ARPC5: variants seen among roughly 807,000 people sequenced by gnomAD.
The protein encoded by ARPC5 is actin-related protein 2/3 complex subunit 5.
In ARPC5, 5 loss-of-function variants were observed where a neutral mutation model predicts 15.4. That is an observed-to-expected ratio of 0.32 (90% CI 0.17 to 0.68). The LOEUF (loss-of-function observed/expected upper bound fraction) is 0.68, where lower values mean the gene tolerates loss of function less well. ARPC5 is among the 30% of genes least tolerant of loss of function. ARPC5 has a pLI of 0.71. For missense variants in ARPC5, 138 were observed against 192.8 expected (o/e 0.72, Z 1.68); for synonymous variants, 85 against 72.2 (o/e 1.18, Z -0.90).
Position 183,623,569 on chromosome 1 carries a change from T to C in ARPC5, c.*3963A>G. 6.6e-7 allele frequency: 1 copy of C among 1,522,988 alleles called. No individual in the cohort carries two copies. The highest frequency in any genetic ancestry group is 8.9e-7 in the Non-Finnish European group (1 of 1,123,400). 94.3% of individuals were successfully genotyped at this position (1,522,988 alleles called of 1,614,324 possible). ...TGGGGCAGAGGTCCCGCGGCAGGAA[T>C]ATGGACAGAAGCAGCCTTGTTTAAG... is the stretch of plus-strand genomic sequence containing the variant. On this transcript the variant is annotated 3_prime_UTR_variant, in exon 4 of 4. Transcript: ENST00000359856.
At position 183,621,307 on chromosome 1, in the gene ARPC5, T is replaced by C. The variant is rs1648928743; in HGVS notation, c.*6225A>G. ...ATTGATCTACAAATAGGCTTGAACA[T>C]ATGTAAAATGACTTGTGTATAATGC... On this transcript the variant is annotated 3_prime_UTR_variant, in exon 4 of 4. Coordinates refer to ENST00000359856, the MANE Select transcript of ARPC5 (RefSeq NM_005717.4). The C allele has an allele frequency of 1.3e-5, 2 of 152,208 alleles. No homozygotes were observed. Among genetic ancestry groups the C allele is most frequent in the South Asian group, 4.1e-4 (2 of 4,832 alleles). The allele number at this position is 152,208 out of a possible 1,614,324, so 9.4% of individuals were successfully genotyped here.
rs189428029 is a variant in ARPC5, at chr1:183,627,458, G to A, written c.*74C>T. On this transcript the variant is annotated 3_prime_UTR_variant, in exon 4 of 4. Coordinates refer to ENST00000359856, the MANE Select transcript of ARPC5 (RefSeq NM_005717.4). ...AAACAGATGCTACCCACAGGGCAGC[G>A]GTGGCATTTGGTTGTTTTGGTCTTT... 1.2e-4 allele frequency: 146 copies of A among 1,250,026 alleles called. No individual in the cohort carries two copies. In the African/African-American group the frequency reaches 1.3e-3, roughly 11 times the overall value. 77.4% of individuals were successfully genotyped at this position (1,250,026 alleles called of 1,614,324 possible).
chr1:183,621,874 C>T lies in ARPC5; in HGVS notation c.*5658G>A, dbSNP rs189080046. 1.1e-4 allele frequency: 17 copies of T among 152,270 alleles called. No individual in the cohort carries two copies. Among genetic ancestry groups the T allele is most frequent in the African/African-American group, 4.1e-4 (17 of 41,536 alleles). 9.4% of individuals were successfully genotyped at this position (152,270 alleles called of 1,614,324 possible). ...GTTTTATCAGCAAGGTCTTTATGAC[C>T]GGTATCTTGTGTTGACCTCCTATCT... On this transcript the variant is annotated 3_prime_UTR_variant, in exon 4 of 4. Transcript: ENST00000359856.
intron 3 of ARPC5, among the ~76,000 whole-genome samples, chr1:183,628,097 C>T (rs1649160672): frequency 7.0e-6 from 1 of 141,936 alleles, no homozygotes; most frequent in South Asian, 2.3e-4. Context: ...GGTGTGAACC[C>T]AGGAGGCGGA....
In ARPC5 at chr1:183,623,720, G is replaced by C; in HGVS notation, c.*3812C>G. On this transcript the variant is annotated 3_prime_UTR_variant, in exon 4 of 4. Transcript: ENST00000359856. ...GTTGTAAATCTAAAGGAAAAATTGTGTATCTAAAAATTAATCAATCTGGCT... is the reference window on the plus strand; with the variant it reads ...GTTGTAAATCTAAAGGAAAAATTGTCTATCTAAAAATTAATCAATCTGGCT... The C allele has an allele frequency of 1.8e-6, 1 of 562,716 alleles. No homozygotes were observed. Among genetic ancestry groups the C allele is most frequent in the East Asian group, 3.0e-5 (1 of 33,492 alleles). The allele number at this position is 562,716 out of a possible 1,614,324, so 34.9% of individuals were successfully genotyped here.
In ARPC5 at chr1:183,626,806, A is replaced by G. The variant is rs965808456; in HGVS notation, c.*726T>C. On this transcript the variant is annotated 3_prime_UTR_variant, in exon 4 of 4. Coordinates refer to ENST00000359856, the MANE Select transcript of ARPC5 (RefSeq NM_005717.4). ...CCAAACAGAGCCATATTAGTGGAAC[A>G]AAAGTTTGATGTTCATGCCCAACAA... The G allele has an allele frequency of 2.6e-5, 4 of 152,356 alleles. No individual in the cohort carries two copies. Among genetic ancestry groups the G allele is most frequent in the African/African-American group, 9.7e-5 (4 of 41,450 alleles). 9.4% of individuals were successfully genotyped at this position (152,356 alleles called of 1,614,324 possible).
At position 183,622,497 on chromosome 1, in the gene ARPC5, A is replaced by G. The variant is rs954093813; in HGVS notation, c.*5035T>C. On this transcript the variant is annotated 3_prime_UTR_variant, in exon 4 of 4. Coordinates refer to ENST00000359856, the MANE Select transcript of ARPC5 (RefSeq NM_005717.4). ...GTTATTCATTACCCTAAGGGTTGACAGAATTAGAAAAATCTACGTATAAAG... is the reference window on the plus strand; with the variant it reads ...GTTATTCATTACCCTAAGGGTTGACGGAATTAGAAAAATCTACGTATAAAG... The G allele has an allele frequency of 6.6e-6, 1 of 152,238 alleles. No individual in the cohort carries two copies. Among genetic ancestry groups the G allele is most frequent in the Non-Finnish European group, 1.5e-5 (1 of 68,040 alleles). The allele number at this position is 152,238 out of a possible 1,614,324, so 9.4% of individuals were successfully genotyped here. A position where few individuals can be genotyped will look rare whatever the true frequency, so the allele number is the denominator to read the frequency against.
chr1:183,634,475 C>G (rs1487991874), intron 1 of ARPC5, among the ~76,000 whole-genome samples: 3 of 152,176 alleles, frequency 2.0e-5, no homozygotes, highest in South Asian at 4.1e-4. Flanking sequence ...TGAATACACC[C>G]AAGAATTAGA....
chr1:183,632,383 G>A (rs1348658263), intron 2 of ARPC5: 1 of 151,754 alleles, frequency 6.6e-6, no homozygotes, highest in East Asian at 1.9e-4. Flanking sequence ...TACTCAAAGA[G>A]AACAATTAAA....
At position 183,624,545 on chromosome 1, in the gene ARPC5, AAAAC is replaced by A. The variant is rs1039535354; in HGVS notation, c.*2983_*2986del. ...AAAACAAAACAAAACAAAACAAAACAAAACAAAAAACATTAAAACTGCAAGAACA... is the reference window on the plus strand; with the variant it reads ...AAAACAAAACAAAACAAAACAAAACAAAAAAACATTAAAACTGCAAGAACA... On this transcript the variant is annotated 3_prime_UTR_variant, in exon 4 of 4. Transcript: ENST00000359856. The A allele has an allele frequency of 6.6e-6, 1 of 152,070 alleles. No individual in the cohort carries two copies. Among genetic ancestry groups the A allele is most frequent in the Admixed American group, 6.6e-5 (1 of 15,262 alleles). 9.4% of individuals were successfully genotyped at this position (152,070 alleles called of 1,614,324 possible). A position where few individuals can be genotyped will look rare whatever the true frequency, so the allele number is the denominator to read the frequency against.
intron 1 of ARPC5, among the ~76,000 whole-genome samples, chr1:183,634,273 C>A: frequency 6.6e-6 from 1 of 152,204 alleles, no homozygotes; most frequent in South Asian, 2.1e-4. Context: ...TAACTCCAAG[C>A]ACTTAAGTAT....
In ARPC5 at chr1:183,623,441, T is replaced by G. The variant is rs1436850067; in HGVS notation, c.*4091A>C. On this transcript the variant is annotated 3_prime_UTR_variant, in exon 4 of 4. Transcript: ENST00000359856. ...TGTACCTCTGTGGGCTTCCCGGGCCTCCTCCATATCTGGAATCATACAAGA... is the reference window on the plus strand; with the variant it reads ...TGTACCTCTGTGGGCTTCCCGGGCCGCCTCCATATCTGGAATCATACAAGA... 1.3e-5 allele frequency: 20 copies of G among 1,550,408 alleles called. No individual in the cohort carries two copies. The highest frequency in any genetic ancestry group is 1.7e-5 in the Non-Finnish European group (19 of 1,146,896).
At chr1:183,630,676 TG>T in intron 2 of ARPC5, 39 bp from the exon 3 acceptor site, 1 of 1,578,334 alleles carries the variant, frequency 6.3e-7, no homozygotes, top group Non-Finnish European at 8.6e-7. Flanking sequence ...TAGACATATC[TG>T]TATGAGGAGG....
chr1:183,634,980 C>T (rs1000691769), intron 1 of ARPC5, among the ~76,000 whole-genome samples: 11 of 151,260 alleles, frequency 7.3e-5, no homozygotes, highest in African/African-American at 2.4e-4. Flanking sequence ...TTCGAACAGT[C>T]CCATCTCCCC....
rs1436161430 is a variant in ARPC5 at position 183,622,974 on chromosome 1, T to G, written c.*4558A>C. On this transcript the variant is annotated 3_prime_UTR_variant, in exon 4 of 4. Transcript: ENST00000359856. ...GTGTATAAATTAAGGATTTCTTAGG[T>G]GACTTGGCTCGTTCAATGTTATGCA... 2 of 161,430 alleles carry G rather than the reference T, an allele frequency of 1.2e-5. No homozygotes were observed. The highest frequency in any genetic ancestry group is 2.7e-5 in the Non-Finnish European group (2 of 73,222). The allele number at this position is 161,430 out of a possible 1,614,324, so 10.0% of individuals were successfully genotyped here. A position where few individuals can be genotyped will look rare whatever the true frequency, so the allele number is the denominator to read the frequency against.
chr1:183,634,002 T>C (rs906941297), intron 1 of ARPC5: 4 of 152,242 alleles, frequency 2.6e-5, no homozygotes, highest in African/African-American at 9.7e-5. Context: ...CTTTATATTT[T>C]AAGATGAACT....
chr1:183,623,305 C>T lies in ARPC5; in HGVS notation c.*4227G>A, dbSNP rs1648989127. On this transcript the variant is annotated 3_prime_UTR_variant, in exon 4 of 4. Coordinates refer to ENST00000359856, the MANE Select transcript of ARPC5 (RefSeq NM_005717.4). ...TGATTACTCTTACACACTCAAGTAA[C>T]AGAAATGATAAAGGAAAATAGAAAT... The T allele has an allele frequency of 8.3e-6, 8 of 962,832 alleles. No homozygotes were observed. Among genetic ancestry groups the T allele is most frequent in the East Asian group, 5.2e-5 (2 of 38,134 alleles). The allele number at this position is 962,832 out of a possible 1,614,324, so 59.6% of individuals were successfully genotyped here. A position where few individuals can be genotyped will look rare whatever the true frequency, so the allele number is the denominator to read the frequency against.
Position 183,623,254 on chromosome 1 carries a change from G to C in ARPC5, c.*4278C>G. 1 of 658,838 alleles carries C rather than the reference G, an allele frequency of 1.5e-6. No individual in the cohort carries two copies. The highest frequency in any genetic ancestry group is 2.6e-6 in the Non-Finnish European group (1 of 384,906). The allele number at this position is 658,838 out of a possible 1,614,324, so 40.8% of individuals were successfully genotyped here. A position where few individuals can be genotyped will look rare whatever the true frequency, so the allele number is the denominator to read the frequency against. On this transcript the variant is annotated 3_prime_UTR_variant, in exon 4 of 4. Coordinates refer to ENST00000359856, the MANE Select transcript of ARPC5 (RefSeq NM_005717.4). ...AGGGAACTGTTTCAGAGAGAAATAAGAGATGTAAACATAGATTATTTATGT... is the reference window on the plus strand; with the variant it reads ...AGGGAACTGTTTCAGAGAGAAATAACAGATGTAAACATAGATTATTTATGT...
At position 183,623,123 on chromosome 1, in the gene ARPC5, G is replaced by C. The variant is rs1036354163; in HGVS notation, c.*4409C>G. 23 of 388,322 alleles carry C rather than the reference G, an allele frequency of 5.9e-5. No homozygotes were observed. Among genetic ancestry groups the C allele is most frequent in the Non-Finnish European group, 2.9e-5 (6 of 205,456 alleles). The allele number at this position is 388,322 out of a possible 1,614,324, so 24.1% of individuals were successfully genotyped here. A position where few individuals can be genotyped will look rare whatever the true frequency, so the allele number is the denominator to read the frequency against. On this transcript the variant is annotated 3_prime_UTR_variant, in exon 4 of 4. Coordinates refer to ENST00000359856, the MANE Select transcript of ARPC5 (RefSeq NM_005717.4). ...CAAGGTCAAGAGGGTGTGTCTTGCAGAGCAGGAGCTAACTGCTAGGCTGGA... is the reference window on the plus strand; with the variant it reads ...CAAGGTCAAGAGGGTGTGTCTTGCACAGCAGGAGCTAACTGCTAGGCTGGA...
Sources: gnomAD v4.1 joint callset for allele counts (sites outside exome capture counted in the v4.1 genomes callset) on GRCh38, gnomAD v4.1.1 for gene constraint, MANE v1.5 for transcripts, NCBI Gene and HGNC (gene_info 2026-07-23, HGNC 2026-07-21) for gene names.